Variants in AKAP6 observed in about 807,000 individuals in gnomAD.
The protein encoded by AKAP6 is A-kinase anchor protein 6.
A neutral mutation model predicts 188.5 loss-of-function variants in AKAP6; 58 were observed. The observed-to-expected ratio is 0.31, with a 90% CI of 0.25 to 0.38. AKAP6 has a LOEUF of 0.38. Among genes scored for constraint, AKAP6 ranks in the 10% least tolerant of loss-of-function variants. The pLI, the probability that AKAP6 is intolerant of heterozygous loss-of-function variation, is 1.00. For synonymous variants in AKAP6, 989 were observed against 998.6 expected, an observed-to-expected ratio of 0.99 and a Z score of 0.18; for missense variants, 2,710 against 2,740.0, an observed-to-expected ratio of 0.99 and a Z score of 0.24.
intron 12 of AKAP6, among the ~76,000 whole-genome samples, chr14:32,787,136 A>T (rs2033446697): frequency 6.6e-6 from 1 of 152,244 alleles, no homozygotes; most frequent in Admixed American, 6.5e-5. Context: ...ACCAATTACC[A>T]CATTTTAATT....
chr14:32,725,341 G>T (rs1373562760), intron 9 of AKAP6, among the ~76,000 whole-genome samples: 2 of 152,160 alleles, frequency 1.3e-5, no homozygotes, highest in Admixed American at 1.3e-4. Context: ...CAGCTATTTA[G>T]CTCGGCAGCC....
chr14:32,659,810 A>G (rs1311128265), intron 7 of AKAP6, among the ~76,000 whole-genome samples: 1 of 152,084 alleles, frequency 6.6e-6, no homozygotes, highest in African/African-American at 2.4e-5. Flanking sequence ...TGCATTGATA[A>G]CTGCTGTGCC....
intron 2 of AKAP6, among the ~76,000 whole-genome samples, chr14:32,534,636 C>G (rs1345486425): frequency 6.6e-6 from 1 of 151,998 alleles, no homozygotes; most frequent in Non-Finnish European, 1.5e-5. Flanking sequence ...AAGAGTGATT[C>G]TGCTTGCAAA....
chr14:32,730,065 C>G (rs1329623626), intron 9 of AKAP6, among the ~76,000 whole-genome samples: 1 of 152,102 alleles, frequency 6.6e-6, no homozygotes, highest in Non-Finnish European at 1.5e-5. Context: ...CTAGCATCAA[C>G]AAAAATATAA....
At chr14:32,330,185 G>C (rs1027806957) in intron 1 of AKAP6, among the ~76,000 whole-genome samples, 2 of 152,022 alleles carry the variant, frequency 1.3e-5, no homozygotes, top group African/African-American at 2.4e-5. Context: ...CCTCTGAAGT[G>C]GCAGTGGTGT....
chr14:32,466,846 T>TATATATA (rs879653303), intron 2 of AKAP6, among the ~76,000 whole-genome samples: 218 of 142,620 alleles, frequency 1.5e-3, no homozygotes, highest in Middle Eastern at 3.6e-3. Context: ...TATATATATA[T>TATATATA]TTTCTTTCTT....
At chr14:32,626,803 A>G (rs1391673638) in intron 7 of AKAP6, among the ~76,000 whole-genome samples, 1 of 152,118 alleles carries the variant, frequency 6.6e-6, no homozygotes, top group Non-Finnish European at 1.5e-5. Context: ...GTGGTTTCTC[A>G]CATATGTCAT....
At chr14:32,508,787 T>C (rs1277096644) in intron 2 of AKAP6, among the ~76,000 whole-genome samples, 17 of 152,156 alleles carry the variant, frequency 1.1e-4, no homozygotes, top group Admixed American at 1.1e-3. Context: ...TATTAGTGAT[T>C]TATCTGATTA....
intron 1 of AKAP6, among the ~76,000 whole-genome samples, chr14:32,397,401 G>A (rs755929475): frequency 3.8e-5 from 5 of 133,208 alleles, no homozygotes; most frequent in Admixed American, 1.5e-4. Context: ...TTTTTGAGAT[G>A]GGGTCTTACT....
Position 32,561,021 on chromosome 14 carries a change from G to C in AKAP6, c.2346+14022G>C, listed in dbSNP as rs140134931. Among the ~76,000 whole-genome samples, 408 of 152,264 alleles carry C rather than the reference G, an allele frequency of 2.7e-3. 3 individuals are homozygous for C. Among genetic ancestry groups the C allele is most frequent in the Non-Finnish European group, 4.8e-3 (326 of 68,000 alleles). ...ATTTTATAAATTAGAAGAGACAGAA[G>C]TTAGTAATTTACTCAAGGATATAGA... is the stretch of plus-strand genomic sequence containing the variant. On this transcript the variant is annotated intron_variant, in intron 4 of 13. Transcript: ENST00000280979.
Position 32,556,255 on chromosome 14 carries a change from C to T in AKAP6, c.2346+9256C>T, listed in dbSNP as rs143499224. Reference sequence around the variant, plus strand: ...TACTTGTTGGCTATTTGTATATCATCTTTGGAGAAATGTCACATCCATTAC... The same window carrying T: ...TACTTGTTGGCTATTTGTATATCATTTTTGGAGAAATGTCACATCCATTAC... On this transcript the variant is annotated intron_variant, in intron 4 of 13. Transcript: ENST00000280979. 5.0e-3 allele frequency among the ~76,000 whole-genome samples: 754 copies of T among 152,250 alleles called. 5 individuals are homozygous for T. Among genetic ancestry groups the T allele is most frequent in the East Asian group, 0.013 (68 of 5,182 alleles).
chr14:32,442,640 T>TA (rs5807659), intron 2 of AKAP6: 65,760 of 147,308 alleles, frequency 0.45, 17,225 homozygotes, highest in Non-Finnish European at 0.61. Flanking sequence ...TCCCGTCTCT[T>TA]AAAAAAAAAA....
chr14:32,378,146 T>C (rs1283070327), intron 1 of AKAP6, among the ~76,000 whole-genome samples: 1 of 152,016 alleles, frequency 6.6e-6, no homozygotes, highest in African/African-American at 2.4e-5. Flanking sequence ...AATGGCAATA[T>C]TTTGCATGGT....
At chr14:32,820,629 A>G (rs1451153808) in intron 12 of AKAP6, among the ~76,000 whole-genome samples, 1 of 152,162 alleles carries the variant, frequency 6.6e-6, no homozygotes. Flanking sequence ...AGCCAAGTTA[A>G]CAAGGACCAA....
At chr14:32,389,736 C>A (rs919524623) in intron 1 of AKAP6, among the ~76,000 whole-genome samples, 1 of 152,024 alleles carries the variant, frequency 6.6e-6, no homozygotes, top group South Asian at 2.1e-4. Context: ...ATAGGTTTTC[C>A]GTTATAGGTT....
At chr14:32,785,845 T>C (rs185129003) in intron 12 of AKAP6, among the ~76,000 whole-genome samples, 1 of 152,176 alleles carries the variant, frequency 6.6e-6, no homozygotes, top group Non-Finnish European at 1.5e-5. Flanking sequence ...CATAAACTAA[T>C]AAGTAAAAGG....
At chr14:32,439,140 G>T (rs575302826) in intron 2 of AKAP6, 73 of 152,318 alleles carry the variant, frequency 4.8e-4, no homozygotes, top group African/African-American at 1.7e-3. Flanking sequence ...CAGAGACTCT[G>T]TTTACAAGAT....
intron 8 of AKAP6, among the ~76,000 whole-genome samples, chr14:32,688,002 C>T (rs1320641306): frequency 6.6e-6 from 1 of 152,040 alleles, no homozygotes; most frequent in Non-Finnish European, 1.5e-5. Flanking sequence ...AATTTGATGA[C>T]ATCCATGCCA....
chr14:32,386,739 G>T (rs954694737), intron 1 of AKAP6, among the ~76,000 whole-genome samples: 4 of 152,094 alleles, frequency 2.6e-5, no homozygotes, highest in African/African-American at 9.7e-5. Flanking sequence ...ATAGTTTCAG[G>T]TCTTAGATTG....
Sources: allele counts gnomAD v4.1 joint callset (sites outside exome capture counted in the v4.1 genomes callset), GRCh38; gene constraint gnomAD v4.1.1; transcripts MANE v1.5; gene names NCBI Gene and HGNC (gene_info 2026-07-23, HGNC 2026-07-21).